Variants in NEK10 observed in about 807,000 individuals in gnomAD.
NEK10 encodes serine/threonine-protein kinase Nek10.
A neutral mutation model predicts 159.8 loss-of-function variants in NEK10; 122 were observed. The observed-to-expected ratio is 0.76, with a 90% CI of 0.66 to 0.89. The LOEUF (loss-of-function observed/expected upper bound fraction) is 0.89. Ranked by LOEUF, NEK10 falls within the 40% of genes least tolerant of loss-of-function variation. NEK10 has a pLI of 0.00. For synonymous variants in NEK10, 466 were observed against 457.1 expected (o/e 1.02, Z -0.25); for missense variants, 1,342 against 1,323.1 (o/e 1.01, Z -0.22).
At chr3:27,264,351 C>T (rs909103776) in intron 22 of NEK10, among the ~76,000 whole-genome samples, 1 of 152,128 alleles carries the variant, frequency 6.6e-6, no homozygotes, top group Non-Finnish European at 1.5e-5. Context: ...AAGAAAACTA[C>T]AGAACAAGAG....
chr3:27,251,192 C>A (rs2370941), intron 23 of NEK10, among the ~76,000 whole-genome samples: 96,557 of 152,038 alleles, frequency 0.64, 33,005 homozygotes, highest in African/African-American at 0.9. Flanking sequence ...TCTCAATAGC[C>A]GATCTAGAAT....
At chr3:27,122,992 T>C (rs375929693) in intron 32 of NEK10, among the ~76,000 whole-genome samples, 62 of 152,334 alleles carry the variant, frequency 4.1e-4, no homozygotes, top group African/African-American at 1.1e-3. Context: ...AATTCATTTT[T>C]TGACGAATCC....
chr3:27,262,108 T>C (rs2040466641), intron 22 of NEK10, among the ~76,000 whole-genome samples: 1 of 152,174 alleles, frequency 6.6e-6, no homozygotes, highest in South Asian at 2.1e-4. Context: ...ATTTTGAGCC[T>C]ATGAAATTCT....
chr3:27,114,770 T>G (rs1940135637), intron 35 of NEK10, among the ~76,000 whole-genome samples: 1 of 152,194 alleles, frequency 6.6e-6, no homozygotes, highest in African/African-American at 2.4e-5. Flanking sequence ...AAGACCACTT[T>G]GAGAGAATAT....
chr3:27,335,436 A>G (rs1335387778), intron 5 of NEK10, among the ~76,000 whole-genome samples: 1 of 152,144 alleles, frequency 6.6e-6, no homozygotes, highest in South Asian at 2.1e-4. Flanking sequence ...CACTCTCAGC[A>G]GTAAGCAGAG....
chr3:27,348,739 T>C (rs533066539), intron 3 of NEK10, among the ~76,000 whole-genome samples: 124 of 152,290 alleles, frequency 8.1e-4, no homozygotes, highest in Admixed American at 3.5e-3. Context: ...CAGGCTAGTA[T>C]AATGTATAGC....
chr3:27,131,993 G>GCATAAAATAAGAAAACAAT lies in NEK10; in HGVS notation c.2971-22_2971-4dup. 6.5e-7 allele frequency: 1 copy of GCATAAAATAAGAAAACAAT among 1,541,054 alleles called. No individual in the cohort carries two copies. The highest frequency in any genetic ancestry group is 9.0e-7 in the Non-Finnish European group (1 of 1,117,022). On this transcript the variant is annotated splice_polypyrimidine_tract_variant and splice_region_variant and intron_variant, in intron 31 of 35. Transcript: ENST00000691995. The stretch of plus-strand genomic sequence containing the variant: ...TTGTGGTGCAAAGCTGGAGGAAGCT[G>GCATAAAATAAGAAAACAAT]CATAAAATAAGAAAACAATCATTAT...
At chr3:27,307,798 A>G in intron 11 of NEK10, 61 bp downstream of exon 11, 1 of 798,886 alleles carries the variant, frequency 1.3e-6, no homozygotes, top group Non-Finnish European at 2.2e-6. Context: ...TAAAAATAAT[A>G]ACAAGTGTAT....
In NEK10 at chr3:27,336,381, G is replaced by C. The variant is rs555841353; in HGVS notation, c.362+7891C>G. Among the ~76,000 whole-genome samples the C allele has an allele frequency of 4.6e-5, 7 of 152,176 alleles. No individual in the cohort carries two copies. The East Asian group carries it at 1.3e-3, about 29-fold the overall frequency. On this transcript the variant is annotated intron_variant, in intron 5 of 35. Coordinates refer to ENST00000691995, the MANE Select transcript of NEK10 (RefSeq NM_001394966.1). Reference sequence around the variant, plus strand: ...ATTCTCTTAAAAATGAAAAGCCTAGGACTGGTGGATTCACTGCTGAATTCT... The same window carrying C: ...ATTCTCTTAAAAATGAAAAGCCTAGCACTGGTGGATTCACTGCTGAATTCT...
intron 29 of NEK10, among the ~76,000 whole-genome samples, chr3:27,166,343 A>G (rs574891346): frequency 3.3e-5 from 5 of 152,332 alleles, no homozygotes; most frequent in African/African-American, 1.2e-4. Context: ...GTATAGAACT[A>G]TTACAGAAAA....
chr3:27,308,886 A>G (rs1199431797), intron 10 of NEK10, 40 bp downstream of exon 10: 1 of 956,124 alleles, frequency 1.0e-6, no homozygotes, highest in South Asian at 1.7e-5. Context: ...AAATTGCTAT[A>G]GTAGCAGAAC....
Position 27,352,804 on chromosome 3 carries a change from G to C in NEK10, c.71+8C>G. ...TTAACAATTAGCAAACACTCAGTAGGGAGTTACCTGATGGTGATTTCTTGC... is the reference window on the plus strand; with the variant it reads ...TTAACAATTAGCAAACACTCAGTAGCGAGTTACCTGATGGTGATTTCTTGC... On this transcript the variant is annotated splice_region_variant and intron_variant, in intron 2 of 35. Coordinates refer to ENST00000691995, the MANE Select transcript of NEK10 (RefSeq NM_001394966.1). The C allele has an allele frequency of 1.3e-6, 2 of 1,589,348 alleles. No individual in the cohort carries two copies. The highest frequency in any genetic ancestry group is 2.2e-5 in the South Asian group (2 of 90,610).
At chr3:27,254,334 A>G (rs1955958637) in intron 23 of NEK10, among the ~76,000 whole-genome samples, 1 of 152,170 alleles carries the variant, frequency 6.6e-6, no homozygotes, top group Non-Finnish European at 1.5e-5. Context: ...ATAATACTCT[A>G]TGAACCTAAT....
intron 6 of NEK10, among the ~76,000 whole-genome samples, chr3:27,321,295 A>C (rs62255651): frequency 0.24 from 36,394 of 152,158 alleles, 4,741 homozygotes; most frequent in Middle Eastern, 0.37. Flanking sequence ...AGAAATGAAG[A>C]ATCTTGTTTA....
At position 27,107,416 on chromosome 3, in the gene NEK10, C is replaced by A. The variant is rs1939111040; in HGVS notation, c.*3856G>T. ...AGCTGTTTCCCTGAGAAATTTGTGT[C>A]TTCCTATCAATATGAAAAACAGCGT... On this transcript the variant is annotated 3_prime_UTR_variant, in exon 36 of 36. Coordinates refer to ENST00000691995, the MANE Select transcript of NEK10 (RefSeq NM_001394966.1). 1.3e-5 allele frequency among the ~76,000 whole-genome samples: 2 copies of A among 152,254 alleles called. No individual in the cohort carries two copies. The highest frequency in any genetic ancestry group is 4.2e-4 in the South Asian group (2 of 4,814).
At chr3:27,218,436 C>G (rs1224158015) in intron 23 of NEK10, among the ~76,000 whole-genome samples, 1 of 151,902 alleles carries the variant, frequency 6.6e-6, no homozygotes, top group Non-Finnish European at 1.5e-5. Flanking sequence ...GAAACCCTGC[C>G]TCTACTAAAA....
At chr3:27,156,931 TATATATATATATATATATATA>T (rs1480570649) in intron 30 of NEK10, among the ~76,000 whole-genome samples, 2 of 5,302 alleles carry the variant, frequency 3.8e-4, no homozygotes, top group African/African-American at 2.0e-3. Context: ...AAGAAACTGA[TATATATATATATATATATATA>T]TATATATATA....
At chr3:27,130,076 G>T (rs968466887) in intron 32 of NEK10, among the ~76,000 whole-genome samples, 1 of 152,076 alleles carries the variant, frequency 6.6e-6, no homozygotes, top group Admixed American at 6.6e-5. Flanking sequence ...TGCCTGTAGA[G>T]GAATGGAACC....
chr3:27,257,972 A>T, intron 22 of NEK10, among the ~76,000 whole-genome samples: 1 of 151,024 alleles, frequency 6.6e-6, no homozygotes, highest in Non-Finnish European at 1.5e-5. Context: ...TATTTTTTGT[A>T]TTTTTAGTAG....
Sources: allele counts gnomAD v4.1 joint callset (sites outside exome capture counted in the v4.1 genomes callset), GRCh38; gene constraint gnomAD v4.1.1; transcripts MANE v1.5; gene names NCBI Gene and HGNC (gene_info 2026-07-23, HGNC 2026-07-21).